The following ANO4 variants were observed in gnomAD, a reference collection of about 807,000 sequenced individuals.
ANO4 encodes the protein anoctamin 4, also known as anoctamin-4.
Under a neutral mutation model 141.9 loss-of-function variants are expected in ANO4, and 69 were observed. The observed-to-expected ratio is 0.49, with a 90% CI of 0.40 to 0.59. ANO4 has a LOEUF of 0.59. Ranked by LOEUF, ANO4 falls within the 20% of genes least tolerant of loss-of-function variation. The pLI is 0.00. For missense variants in ANO4, 894 were observed against 1,162.2 expected (o/e 0.77, Z 3.36); for synonymous variants, 350 against 394.3 (o/e 0.89, Z 1.33).
At chr12:100,825,561 T>G (rs973565270) in intron 1 of ANO4, among the ~76,000 whole-genome samples, 1 of 152,042 alleles carries the variant, frequency 6.6e-6, no homozygotes, top group South Asian at 2.1e-4. Flanking sequence ...TTGTGATAGA[T>G]AAGACATAAC....
intron 1 of ANO4, among the ~76,000 whole-genome samples, chr12:100,717,844 G>A (rs1326925065): frequency 6.6e-6 from 1 of 152,350 alleles, no homozygotes; most frequent in South Asian, 2.1e-4. Context: ...GAAGGGACGC[G>A]GGTGTTAAGT....
intron 2 of ANO4, among the ~76,000 whole-genome samples, chr12:100,910,145 C>A (rs2041035628): frequency 6.6e-6 from 1 of 152,086 alleles, no homozygotes; most frequent in Non-Finnish European, 1.5e-5. Flanking sequence ...CTTGTTATGG[C>A]AATTAAATAA....
intron 21 of ANO4, among the ~76,000 whole-genome samples, chr12:101,098,266 A>G (rs1334248617): frequency 1.3e-5 from 2 of 152,190 alleles, no homozygotes; most frequent in African/African-American, 2.4e-5. Flanking sequence ...GTCCTTAGCT[A>G]TGTATGACAC....
At chr12:101,120,489 T>G (rs780560244) in intron 25 of ANO4, 31 bp from the exon 26 acceptor site, 1 of 1,573,774 alleles carries the variant, frequency 6.4e-7, no homozygotes, top group Non-Finnish European at 8.7e-7. Context: ...AAATCATAGT[T>G]TGAATGCAAC....
At chr12:101,117,494 A>G (rs948837951) in intron 25 of ANO4, among the ~76,000 whole-genome samples, 10 of 152,166 alleles carry the variant, frequency 6.6e-5, no homozygotes, top group Admixed American at 3.9e-4. Flanking sequence ...TAAAAGCTCA[A>G]TGAGATTACT....
intron 8 of ANO4, among the ~76,000 whole-genome samples, chr12:101,006,630 A>G (rs183139232): frequency 7.6e-4 from 116 of 152,380 alleles, no homozygotes; most frequent in African/African-American, 2.6e-3. Context: ...AGCAGCAGGG[A>G]ACATGATGGA....
chr12:101,043,665 A>T, intron 13 of ANO4, 30 bp downstream of exon 13: 1 of 1,524,742 alleles, frequency 6.6e-7, no homozygotes, highest in Non-Finnish European at 9.1e-7. Flanking sequence ...TTTTAGATGA[A>T]TTGAATTTAA....
chr12:101,036,368 A>G (rs1460001735), intron 9 of ANO4, among the ~76,000 whole-genome samples: 2 of 152,222 alleles, frequency 1.3e-5, no homozygotes, highest in East Asian at 3.9e-4. Flanking sequence ...AGGAATTGAA[A>G]TCAGTATCTT....
chr12:100,730,093 A>C (rs2031320300), intron 1 of ANO4, among the ~76,000 whole-genome samples: 1 of 152,158 alleles, frequency 6.6e-6, no homozygotes, highest in Non-Finnish European at 1.5e-5. Flanking sequence ...TGTCCTATGA[A>C]AGTCTTCTTC....
chr12:101,126,228 C>T (rs571141851), intron 26 of ANO4, among the ~76,000 whole-genome samples: 2 of 152,250 alleles, frequency 1.3e-5, no homozygotes, highest in African/African-American at 4.8e-5. Context: ...CTATTTAATA[C>T]TTTAGAATTG....
intron 16 of ANO4, among the ~76,000 whole-genome samples, chr12:101,085,490 G>A (rs2049454233): frequency 6.6e-6 from 1 of 152,108 alleles, no homozygotes; most frequent in African/African-American, 2.4e-5. Context: ...GGTATTATAA[G>A]TAATCTAGAG....
intron 5 of ANO4, among the ~76,000 whole-genome samples, chr12:100,951,756 G>A (rs2937993): frequency 0.27 from 41,728 of 152,078 alleles, 6,373 homozygotes; most frequent in Admixed American, 0.41. Context: ...ACAAAAGATT[G>A]TGGATAGCTG....
At chr12:100,991,125 G>C (rs560472365) in intron 8 of ANO4, among the ~76,000 whole-genome samples, 2 of 152,254 alleles carry the variant, frequency 1.3e-5, no homozygotes, top group East Asian at 3.9e-4. Flanking sequence ...AATTAAATAA[G>C]TGTCTTGAAT....
chr12:100,727,478 T>C (rs2136771397), intron 1 of ANO4, among the ~76,000 whole-genome samples: 1 of 152,352 alleles, frequency 6.6e-6, no homozygotes, highest in Non-Finnish European at 1.5e-5. Flanking sequence ...CTAAAAGTAA[T>C]ATAGGTACCC....
intron 26 of ANO4, among the ~76,000 whole-genome samples, chr12:101,125,194 G>A (rs2051258582): frequency 6.6e-6 from 1 of 152,102 alleles, no homozygotes; most frequent in African/African-American, 2.4e-5. Context: ...TTTCTTGTTA[G>A]CTGTATTCCT....
chr12:100,825,232 A>T (rs996867464), intron 1 of ANO4, among the ~76,000 whole-genome samples: 1 of 152,026 alleles, frequency 6.6e-6, no homozygotes, highest in Non-Finnish European at 1.5e-5. Context: ...TTGACAATCT[A>T]CTTGAAGTCA....
At chr12:100,978,243 G>A (rs960382149) in intron 7 of ANO4, among the ~76,000 whole-genome samples, 11 of 152,236 alleles carry the variant, frequency 7.2e-5, no homozygotes, top group African/African-American at 2.7e-4. Flanking sequence ...ATGCGTGTAT[G>A]AGGATTGGAG....
At chr12:101,078,911 T>A (rs2049132959) in intron 14 of ANO4, among the ~76,000 whole-genome samples, 1 of 152,236 alleles carries the variant, frequency 6.6e-6, no homozygotes. Context: ...TCCCAGAATG[T>A]AAGAATTTGT....
At chr12:100,958,716 T>C (rs1592839073) in intron 5 of ANO4, among the ~76,000 whole-genome samples, 1 of 152,150 alleles carries the variant, frequency 6.6e-6, no homozygotes, top group Non-Finnish European at 1.5e-5. Flanking sequence ...GGTGTATTGG[T>C]GCATGCCTGT....
Sources: gnomAD v4.1 joint callset for allele counts (sites outside exome capture counted in the v4.1 genomes callset) on GRCh38, gnomAD v4.1.1 for gene constraint, MANE v1.5 for transcripts, NCBI Gene and HGNC (gene_info 2026-07-23, HGNC 2026-07-21) for gene names.